Variants in THSD7B observed in about 807,000 individuals in gnomAD.
The protein encoded by THSD7B is thrombospondin type 1 domain containing 7B, also known as thrombospondin type-1 domain-containing protein 7B.
A neutral mutation model predicts 213.6 loss-of-function variants in THSD7B; 138 were observed. That is an observed-to-expected ratio of 0.65 (90% confidence interval 0.56 to 0.74). The LOEUF is 0.74. THSD7B is among the 30% of genes least tolerant of loss of function. The probability of loss-of-function intolerance (pLI) is 0.00; values close to 1 mark genes in which losing one functional copy is unlikely to be tolerated. For synonymous variants in THSD7B, 742 were observed against 687.0 expected (o/e 1.08, Z -1.25); for missense variants, 1,931 against 1,991.5 (o/e 0.97, Z 0.58).
At chr2:137,003,865 A>G (rs974571778) in intron 2 of THSD7B, among the ~76,000 whole-genome samples, 6 of 152,224 alleles carry the variant, frequency 3.9e-5, no homozygotes, top group Non-Finnish European at 8.8e-5. Flanking sequence ...TGAATGTGGT[A>G]TATCCAGGAT....
chr2:137,239,579 G>T (rs1487095300), intron 9 of THSD7B, among the ~76,000 whole-genome samples: 2 of 152,150 alleles, frequency 1.3e-5, no homozygotes, highest in Non-Finnish European at 2.9e-5. Context: ...ATTTTTCACA[G>T]AAGAGCCATG....
intron 12 of THSD7B, among the ~76,000 whole-genome samples, chr2:137,392,994 T>C (rs1342691715): frequency 6.6e-6 from 1 of 152,026 alleles, no homozygotes; most frequent in African/African-American, 2.4e-5. Flanking sequence ...ATCCTAAAGA[T>C]TCCTAAAAAT....
intron 1 of THSD7B, among the ~76,000 whole-genome samples, chr2:136,849,475 T>A (rs1683062256): frequency 6.6e-6 from 1 of 152,184 alleles, no homozygotes; most frequent in Non-Finnish European, 1.5e-5. Flanking sequence ...GCTATTAAAG[T>A]TGCTAATTGT....
intron 1 of THSD7B, among the ~76,000 whole-genome samples, chr2:136,877,075 G>A (rs571867855): frequency 6.2e-5 from 9 of 145,044 alleles, no homozygotes; most frequent in African/African-American, 1.5e-4. Context: ...GTTCCAGTGC[G>A]CCCGTATGTG....
intron 7 of THSD7B, among the ~76,000 whole-genome samples, chr2:137,227,765 T>C (rs1042368768): frequency 6.6e-6 from 1 of 152,178 alleles, no homozygotes; most frequent in Non-Finnish European, 1.5e-5. Flanking sequence ...AACCAATCTA[T>C]GAAACTGTTA....
chr2:136,836,699 A>G (rs1039712696), intron 1 of THSD7B, among the ~76,000 whole-genome samples: 147 of 152,272 alleles, frequency 9.7e-4, no homozygotes, highest in African/African-American at 3.3e-3. Context: ...TGTAAATGCC[A>G]TCTACATGCT....
At position 137,232,927 on chromosome 2, in the gene THSD7B, T is replaced by C; in HGVS notation, c.1944T>C (p.Ala648=). ...GAAAGCCATGTCCCCCTAGTCAGGC[T>C]CTCCAAGAGCATCGTTTGTGTAATG... The part of the protein sequence containing the change: ...EGGKPCPPSQ[A]LQEHRLCNDH... The change falls in exon 9 of 28, where the codon GCT becomes GCC. Residue 648 remains alanine, a synonymous_variant. Coordinates refer to ENST00000409968, the MANE Select transcript of THSD7B (RefSeq NM_001316349.2). 1 of 1,613,928 alleles carries C rather than the reference T, an allele frequency of 6.2e-7. No homozygotes were observed. Among genetic ancestry groups the C allele is most frequent in the Non-Finnish European group, 8.5e-7 (1 of 1,179,820 alleles).
At chr2:137,035,249 A>G (rs139300590) in intron 2 of THSD7B, among the ~76,000 whole-genome samples, 1 of 152,116 alleles carries the variant, frequency 6.6e-6, no homozygotes, top group Non-Finnish European at 1.5e-5. Flanking sequence ...AACCATACCC[A>G]TCTCTTTTCT....
chr2:137,599,396 C>T (rs1682032069), intron 17 of THSD7B, among the ~76,000 whole-genome samples: 1 of 151,966 alleles, frequency 6.6e-6, no homozygotes. Context: ...TGCTCATCAT[C>T]ACTGGCCATC....
At chr2:137,131,214 T>G (rs1688724713) in intron 5 of THSD7B, among the ~76,000 whole-genome samples, 2 of 149,498 alleles carry the variant, frequency 1.3e-5, no homozygotes, top group Admixed American at 6.7e-5. Flanking sequence ...TCACCCACTT[T>G]TTGATGGGGT....
At position 137,299,969 on chromosome 2, in the gene THSD7B, A is replaced by C. The variant is rs569931608; in HGVS notation, c.2500+23943A>C. ...TCTCAATTAGGCAATAAAGTATTGA[A>C]CAATATTCCTTATAGAACCAGTGCA... On this transcript the variant is annotated intron_variant, in intron 12 of 27. Coordinates refer to ENST00000409968, the MANE Select transcript of THSD7B (RefSeq NM_001316349.2). Among the ~76,000 whole-genome samples, 13 of 152,276 alleles carry C rather than the reference A, an allele frequency of 8.5e-5. No individual in the cohort carries two copies. The East Asian group carries it at 2.5e-3, about 29-fold the overall frequency.
At chr2:137,076,687 T>C (rs1026660041) in intron 3 of THSD7B, among the ~76,000 whole-genome samples, 2 of 152,356 alleles carry the variant, frequency 1.3e-5, no homozygotes, top group Non-Finnish European at 2.9e-5. Flanking sequence ...TCACTCACGC[T>C]GGGAGCTGTA....
intron 4 of THSD7B, among the ~76,000 whole-genome samples, chr2:137,112,319 T>C (rs924613463): frequency 2.0e-5 from 3 of 151,856 alleles, no homozygotes; most frequent in African/African-American, 7.3e-5. Flanking sequence ...ATTGGTGTGG[T>C]TTTTCCTCTC....
intron 12 of THSD7B, among the ~76,000 whole-genome samples, chr2:137,287,857 G>A (rs751998690): frequency 5.3e-5 from 8 of 152,108 alleles, no homozygotes; most frequent in East Asian, 1.9e-4. Flanking sequence ...CTAGCTACAC[G>A]GTTCTCAGTC....
chr2:137,115,432 C>A, intron 5 of THSD7B, 139 bp downstream of exon 5: 1 of 933,586 alleles, frequency 1.1e-6, no homozygotes, highest in Non-Finnish European at 1.5e-6. Flanking sequence ...ATTTGTATGC[C>A]GCCCCTAAGT....
chr2:137,380,952 C>T (rs371970940), intron 12 of THSD7B, among the ~76,000 whole-genome samples: 4 of 152,344 alleles, frequency 2.6e-5, no homozygotes, highest in African/African-American at 7.2e-5. Flanking sequence ...GCTTGTGCCA[C>T]GGTGTGTACC....
At chr2:137,355,905 C>T (rs1433058539) in intron 12 of THSD7B, among the ~76,000 whole-genome samples, 1 of 152,110 alleles carries the variant, frequency 6.6e-6, no homozygotes, top group Non-Finnish European at 1.5e-5. Context: ...CTTCTTTGCC[C>T]ATCTGCCTTA....
intron 15 of THSD7B, among the ~76,000 whole-genome samples, chr2:137,478,433 T>C (rs1688234914): frequency 6.6e-6 from 1 of 152,194 alleles, no homozygotes; most frequent in Non-Finnish European, 1.5e-5. Flanking sequence ...TTTTTGTTGT[T>C]GTTGTTATCC....
chr2:137,437,822 C>A (rs1220185662), intron 14 of THSD7B, among the ~76,000 whole-genome samples: 1 of 152,032 alleles, frequency 6.6e-6, no homozygotes, highest in Non-Finnish European at 1.5e-5. Flanking sequence ...TTCTGTATAC[C>A]AAATGTTAAT....
Sources: gnomAD v4.1 joint callset for allele counts (sites outside exome capture counted in the v4.1 genomes callset) on GRCh38, gnomAD v4.1.1 for gene constraint, MANE v1.5 for transcripts, NCBI Gene and HGNC (gene_info 2026-07-23, HGNC 2026-07-21) for gene names.